The following CFI variants were observed in gnomAD, a reference collection of about 807,000 sequenced individuals.
CFI encodes the protein complement factor I.
Under a neutral mutation model 78.8 loss-of-function variants are expected in CFI, and 66 were observed. The ratio of observed to expected loss-of-function variants is 0.84; its 90% CI spans 0.69 to 1.03. CFI has a LOEUF of 1.03. Among genes scored for constraint, CFI ranks in the 50% least tolerant of loss-of-function variants. The probability of loss-of-function intolerance (pLI) is 0.00; values close to 1 mark genes in which losing one functional copy is unlikely to be tolerated. For synonymous variants in CFI, 250 were observed against 232.6 expected (o/e 1.07, Z -0.68); for missense variants, 706 against 704.5 (o/e 1.00, Z -0.02).
chr4:109,764,743 C>G (rs893963297), intron 2 of CFI, 53 bp from the exon 3 acceptor site: 1 of 1,524,630 alleles, frequency 6.6e-7, no homozygotes, highest in African/African-American at 1.4e-5. Context: ...ACTTTTTTCT[C>G]TTAATTAAAA....
intron 1 of CFI, among the ~76,000 whole-genome samples, chr4:109,768,059 AC>A (rs1728010049): frequency 6.9e-6 from 1 of 145,952 alleles, no homozygotes; most frequent in Non-Finnish European, 1.5e-5. Context: ...ACATCGTCTC[AC>A]TCATAGGTGG....
intron 1 of CFI, among the ~76,000 whole-genome samples, chr4:109,791,959 A>G (rs1277366576): frequency 2.6e-5 from 4 of 152,054 alleles, no homozygotes; most frequent in Non-Finnish European, 4.4e-5. Context: ...TAATTTCCAC[A>G]TATTTGTAGA....
intron 11 of CFI, among the ~76,000 whole-genome samples, chr4:109,743,643 TTTGATCATTGATTA>T (rs1724079357): frequency 6.6e-6 from 1 of 152,212 alleles, no homozygotes; most frequent in Non-Finnish European, 1.5e-5. Flanking sequence ...GTGTTAAACC[TTTGATCATTGATTA>T]AGGACATATC....
In CFI at chr4:109,787,001, T is replaced by C. The variant is rs1416112552; in HGVS notation, c.57+14914A>G. Among the ~76,000 whole-genome samples the C allele has an allele frequency of 3.3e-5, 5 of 152,136 alleles. No homozygotes were observed. In the East Asian group the frequency reaches 9.7e-4, roughly 30 times the overall value. The stretch of plus-strand genomic sequence containing the variant: ...GGGTTTGTCCTTGTGTTTCTCTGAA[T>C]AGCTAGGAGAAGAGCATGACCAGGC... On this transcript the variant is annotated intron_variant, in intron 1 of 12. Coordinates refer to ENST00000394634, the MANE Select transcript of CFI (RefSeq NM_000204.5).
chr4:109,753,131 T>TATTTATAATATATATTTATTATATAAAC (rs1579187447), intron 7 of CFI, among the ~76,000 whole-genome samples: 16 of 87,748 alleles, frequency 1.8e-4, no homozygotes, highest in African/African-American at 9.2e-4. Context: ...ATTATATAAA[T>TATTTATAATATATATTTATTATATAAAC]AAATATTTAT....
chr4:109,762,055 G>A (rs1727140572), intron 3 of CFI: 3 of 297,828 alleles, frequency 1.0e-5, no homozygotes, highest in South Asian at 9.8e-5. Context: ...GCTGGGTGTG[G>A]TGGCCTACAC....
the CFI span, among the ~76,000 whole-genome samples, chr4:109,734,271 G>A: frequency 2.2e-3 from 329 of 152,240 alleles, no homozygotes; most frequent in South Asian, 5.2e-3. Flanking sequence ...GGAGGTCAAG[G>A]AAAAAAGAAC....
Position 109,741,028 on chromosome 4 carries a change from A to T in CFI, c.1617T>A (p.Tyr539Ter), listed in dbSNP as rs769602593. 1.2e-6 allele frequency: 2 copies of T among 1,614,102 alleles called. No homozygotes were observed. The highest frequency in any genetic ancestry group is 2.7e-5 in the African/African-American group (2 of 74,940). The change falls in exon 13 of 13, where the codon TAT (tyrosine) becomes TAA (stop). Residue 539 changes from tyrosine (Y) to a stop codon, truncating the protein, a stop_gained. Transcript: ENST00000394634. LOFTEE classifies it high-confidence loss of function. The stretch of plus-strand genomic sequence containing the variant: ...CCCCCCAACTCACAACACCCCAGAC[A>T]TAAGTCACATTGTTGGCATCCATAC... ...LVCMDANNVT[Y>*]VWGVVSWGEN...
intron 1 of CFI, among the ~76,000 whole-genome samples, chr4:109,767,562 C>G (rs1039253292): frequency 3.3e-5 from 5 of 151,182 alleles, no homozygotes; most frequent in Admixed American, 2.6e-4. Context: ...CAGAGAAATG[C>G]AAATCAAAAC....
At chr4:109,775,442 G>T (rs1729100904) in intron 1 of CFI, among the ~76,000 whole-genome samples, 1 of 152,236 alleles carries the variant, frequency 6.6e-6, no homozygotes, top group South Asian at 2.1e-4. Flanking sequence ...GTGGCAGCAA[G>T]GCTGGGGGAG....
At chr4:109,784,177 T>A (rs901217643) in intron 1 of CFI, among the ~76,000 whole-genome samples, 1 of 151,560 alleles carries the variant, frequency 6.6e-6, no homozygotes, top group African/African-American at 2.4e-5. Context: ...CCCTAATAAC[T>A]AATGGAAAAA....
intron 10 of CFI, among the ~76,000 whole-genome samples, chr4:109,748,933 T>C (rs1724798809): frequency 6.6e-6 from 1 of 152,198 alleles, no homozygotes; most frequent in Non-Finnish European, 1.5e-5. Flanking sequence ...AAGTAGTACC[T>C]ACCCACTCTC....
the CFI span, among the ~76,000 whole-genome samples, chr4:109,731,246 G>A: frequency 2.0e-5 from 3 of 151,878 alleles, no homozygotes; most frequent in South Asian, 4.1e-4. Flanking sequence ...CTCGGGAGGC[G>A]GAGGCAGGAG....
intron 1 of CFI, among the ~76,000 whole-genome samples, chr4:109,795,610 A>C (rs1014557230): frequency 6.6e-6 from 1 of 152,216 alleles, no homozygotes; most frequent in Non-Finnish European, 1.5e-5. Flanking sequence ...ACAACTACAC[A>C]AAATTAGGGG....
At chr4:109,771,285 G>C (rs1466236514) in intron 1 of CFI, among the ~76,000 whole-genome samples, 1 of 151,110 alleles carries the variant, frequency 6.6e-6, no homozygotes, top group East Asian at 1.9e-4. Flanking sequence ...GGCTGTGCAT[G>C]GTGGCTCATG....
At chr4:109,766,920 C>A in intron 1 of CFI, 96 bp from the exon 2 acceptor site, 2 of 1,220,314 alleles carry the variant, frequency 1.6e-6, no homozygotes, top group South Asian at 2.5e-5. Context: ...AGATACAGCC[C>A]ACAGTACAGA....
intron 1 of CFI, among the ~76,000 whole-genome samples, chr4:109,777,376 A>C (rs1445579143): frequency 6.6e-6 from 1 of 152,222 alleles, no homozygotes; most frequent in Non-Finnish European, 1.5e-5. Context: ...AGATCAAAAG[A>C]GACAAAGAAA....
chr4:109,755,620 C>T (rs1380702883), intron 7 of CFI, among the ~76,000 whole-genome samples: 1 of 152,124 alleles, frequency 6.6e-6, no homozygotes, highest in Non-Finnish European at 1.5e-5. Context: ...CCGTTGCTCT[C>T]TTGCCCTTCA....
At chr4:109,735,011 G>A in the CFI span, among the ~76,000 whole-genome samples, 4 of 152,256 alleles carry the variant, frequency 2.6e-5, no homozygotes, top group African/African-American at 9.6e-5. Context: ...GGTGGGGGTA[G>A]CATGATCATA....
Sources: gnomAD v4.1 joint callset for allele counts (sites outside exome capture counted in the v4.1 genomes callset) on GRCh38, gnomAD v4.1.1 for gene constraint, MANE v1.5 for transcripts, NCBI Gene and HGNC (gene_info 2026-07-23, HGNC 2026-07-21) for gene names.